Variants in LRFN5 observed in about 807,000 individuals in gnomAD.
The protein encoded by LRFN5 is leucine rich repeat and fibronectin type III domain containing 5, also known as leucine-rich repeat and fibronectin type-III domain-containing protein 5.
In LRFN5, 24 loss-of-function variants were observed where a neutral mutation model predicts 45.6. That is an observed-to-expected ratio of 0.53 (90% confidence interval 0.38 to 0.74). The LOEUF is 0.74. Ranked by LOEUF, LRFN5 falls within the 30% of genes least tolerant of loss-of-function variation. LRFN5 has a pLI of 0.00. For synonymous variants in LRFN5, 340 were observed against 313.8 expected (o/e 1.08, Z -0.88); for missense variants, 776 against 861.5 (o/e 0.90, Z 1.24).
At chr14:41,850,701 A>G (rs1889236494) in intron 2 of LRFN5, among the ~76,000 whole-genome samples, 1 of 151,812 alleles carries the variant, frequency 6.6e-6, no homozygotes, top group Non-Finnish European at 1.5e-5. Flanking sequence ...CAATTTCATT[A>G]CCTTTATATG....
intron 1 of LRFN5, among the ~76,000 whole-genome samples, chr14:41,660,170 C>T (rs990102816): frequency 6.6e-6 from 1 of 151,960 alleles, no homozygotes; most frequent in African/African-American, 2.4e-5. Context: ...AGATTACAGG[C>T]ACCTACCACC....
Position 41,632,068 on chromosome 14 carries a change from T to C in LRFN5, c.-197+23506T>C, listed in dbSNP as rs148159056. Among the ~76,000 whole-genome samples the C allele has an allele frequency of 5.3e-5, 8 of 152,120 alleles. 1 individual carries two copies. The East Asian group carries it at 1.4e-3, about 26-fold the overall frequency. On this transcript the variant is annotated intron_variant, in intron 1 of 5. Transcript: ENST00000298119. ...ATGCTGATCAAGACTTAGTGGTAAA[T>C]TGAACCAGAGTTCTGGCGTAGGAAG...
intron 2 of LRFN5, among the ~76,000 whole-genome samples, chr14:41,769,623 C>A (rs1271032730): frequency 2.6e-5 from 4 of 151,924 alleles, no homozygotes; most frequent in Admixed American, 2.6e-4. Flanking sequence ...GCTAATATTC[C>A]TTTTAACTAT....
In LRFN5 at chr14:41,886,643, T is replaced by A; in HGVS notation, c.18T>A (p.Phe6Leu). 6.3e-7 allele frequency: 1 copy of A among 1,580,672 alleles called. No homozygotes were observed. The highest frequency in any genetic ancestry group is 1.2e-5 in the South Asian group (1 of 85,322). The change falls in exon 3 of 6, where the codon TTT becomes TTA. Residue 6 changes from phenylalanine (F) to leucine (L), a missense_variant. Transcript: ENST00000298119. MEKILFYLFLIGIAVK... is the reference protein window; with the variant it reads MEKILLYLFLIGIAVK... ...GATCTACAATGGAAAAAATTCTTTT[T>A]TATCTGTTTCTCATTGGCATAGCAG... is the stretch of plus-strand genomic sequence containing the variant.
chr14:41,865,251 A>G lies in LRFN5; in HGVS notation c.-20-21355A>G, dbSNP rs376419810. On this transcript the variant is annotated intron_variant, in intron 2 of 5. Coordinates refer to ENST00000298119, the MANE Select transcript of LRFN5 (RefSeq NM_152447.5). ...CTCCCCATGCCCCATCCCCAACTCC[A>G]TATAACCACCACTCTACTTTCCATC... Among the ~76,000 whole-genome samples the G allele has an allele frequency of 1.5e-4, 23 of 152,216 alleles. 2 individuals carry two copies. In the East Asian group the frequency reaches 2.1e-3, roughly 14 times the overall value.
chr14:41,712,805 A>G (rs1883340230), intron 1 of LRFN5, among the ~76,000 whole-genome samples: 1 of 152,104 alleles, frequency 6.6e-6, no homozygotes, highest in African/African-American at 2.4e-5. Context: ...AAAATAATAG[A>G]TTTAAAATTT....
chr14:41,758,532 G>T (rs530192221), intron 1 of LRFN5, among the ~76,000 whole-genome samples: 6 of 152,236 alleles, frequency 3.9e-5, no homozygotes, highest in Admixed American at 2.0e-4. Flanking sequence ...TCCCAGCTTT[G>T]TGTCAGTCAC....
chr14:41,824,631 G>A (rs922670326), intron 2 of LRFN5, among the ~76,000 whole-genome samples: 10 of 152,256 alleles, frequency 6.6e-5, no homozygotes, highest in Middle Eastern at 3.4e-3. Flanking sequence ...TGGTGTTTAT[G>A]GGTAAAAGCT....
At chr14:41,795,857 A>G (rs1048111521) in intron 2 of LRFN5, among the ~76,000 whole-genome samples, 2 of 152,012 alleles carry the variant, frequency 1.3e-5, no homozygotes, top group Admixed American at 6.6e-5. Flanking sequence ...GCACACCAAC[A>G]TGGCACATGT....
chr14:41,650,714 C>G (rs1203772161), intron 1 of LRFN5, among the ~76,000 whole-genome samples: 1 of 152,020 alleles, frequency 6.6e-6, no homozygotes, highest in Non-Finnish European at 1.5e-5. Flanking sequence ...AAGAAAACAT[C>G]TTGAAGTATT....
intron 2 of LRFN5, among the ~76,000 whole-genome samples, chr14:41,802,700 G>A (rs578253277): frequency 2.6e-5 from 4 of 152,148 alleles, no homozygotes; most frequent in African/African-American, 9.6e-5. Context: ...TAAATTTTAG[G>A]CTAAAATCAT....
At chr14:41,670,256 GATATATATATATATATATATATATATAT>G (rs1165968461) in intron 1 of LRFN5, among the ~76,000 whole-genome samples, 627 of 45,758 alleles carry the variant, frequency 0.014, 30 homozygotes, top group African/African-American at 0.047. Context: ...CATACACACA[GATATATATATATATATATATATATATAT>G]ATATATATAT....
chr14:41,631,832 G>C (rs1354001212), intron 1 of LRFN5, among the ~76,000 whole-genome samples: 1 of 152,226 alleles, frequency 6.6e-6, no homozygotes, highest in Non-Finnish European at 1.5e-5. Flanking sequence ...ACAGAACTGA[G>C]TGAGCAGAAG....
intron 2 of LRFN5, among the ~76,000 whole-genome samples, chr14:41,820,586 C>T (rs1030584870): frequency 2.0e-5 from 3 of 151,952 alleles, no homozygotes; most frequent in African/African-American, 7.2e-5. Flanking sequence ...ATTGCTTTGG[C>T]TATTTAGGCT....
chr14:41,755,146 C>G (rs138106869), intron 1 of LRFN5, among the ~76,000 whole-genome samples: 3,476 of 152,202 alleles, frequency 0.023, 43 homozygotes, highest in Middle Eastern at 0.037. Context: ...GTTATAATTT[C>G]TGTTCTTTTA....
At chr14:41,629,660 G>C (rs1170877775) in intron 1 of LRFN5, among the ~76,000 whole-genome samples, 2 of 152,092 alleles carry the variant, frequency 1.3e-5, no homozygotes, top group Admixed American at 1.3e-4. Context: ...TCATTTTCCT[G>C]ATCATCCTTT....
chr14:41,773,961 A>G (rs975714267), intron 2 of LRFN5, among the ~76,000 whole-genome samples: 3 of 152,232 alleles, frequency 2.0e-5, no homozygotes, highest in African/African-American at 7.2e-5. Flanking sequence ...AGTACTTGAT[A>G]TAGAGGAGTC....
At chr14:41,630,338 T>C (rs9888583) in intron 1 of LRFN5, among the ~76,000 whole-genome samples, 3,282 of 152,276 alleles carry the variant, frequency 0.022, 107 homozygotes, top group African/African-American at 0.072. Context: ...GAATTGGCAG[T>C]TGGATCATGT....
intron 1 of LRFN5, among the ~76,000 whole-genome samples, chr14:41,753,331 CA>C (rs760014234): frequency 2.0e-5 from 3 of 152,220 alleles, no homozygotes; most frequent in Non-Finnish European, 4.4e-5. Flanking sequence ...ATGCGGATGG[CA>C]TTGAATCTAT....
Sources: allele counts gnomAD v4.1 joint callset (sites outside exome capture counted in the v4.1 genomes callset), GRCh38; gene constraint gnomAD v4.1.1; transcripts MANE v1.5; gene names NCBI Gene and HGNC (gene_info 2026-07-23, HGNC 2026-07-21).